The following PTPRB variants were observed in gnomAD, a reference collection of about 807,000 sequenced individuals.
PTPRB encodes protein tyrosine phosphatase receptor type B, also known as receptor-type tyrosine-protein phosphatase beta.
A neutral mutation model predicts 238.1 loss-of-function variants in PTPRB; 97 were observed. The observed-to-expected ratio is 0.41, with a 90% CI of 0.35 to 0.48. PTPRB has a LOEUF of 0.48. PTPRB is among the 20% of genes least tolerant of loss of function. The pLI, the probability that PTPRB is intolerant of heterozygous loss-of-function variation, is 0.30. For synonymous variants in PTPRB, 970 were observed against 995.4 expected, an observed-to-expected ratio of 0.97 and a Z score of 0.48; for missense variants, 2,292 against 2,681.9, an observed-to-expected ratio of 0.85 and a Z score of 3.21.
chr12:70,547,602 G>A (rs1312559998), intron 21 of PTPRB, among the ~76,000 whole-genome samples: 2 of 142,166 alleles, frequency 1.4e-5, no homozygotes, highest in Non-Finnish European at 3.0e-5. Context: ...CACCTCCCAA[G>A]CTCAAGTGAT....
intron 29 of PTPRB, 131 bp from the exon 30 acceptor site, chr12:70,535,086 A>G: frequency 2.9e-6 from 3 of 1,049,776 alleles, no homozygotes; most frequent in Non-Finnish European, 2.7e-6. Flanking sequence ...TTGACCATCT[A>G]CTTTATATTA....
chr12:70,546,726 C>T (rs1030406851), intron 21 of PTPRB, among the ~76,000 whole-genome samples: 1 of 152,130 alleles, frequency 6.6e-6, no homozygotes, highest in African/African-American at 2.4e-5. Flanking sequence ...TGAGCTGCCT[C>T]CTAGGTTGAG....
chr12:70,545,712 A>G (rs551546912), intron 21 of PTPRB, among the ~76,000 whole-genome samples: 27 of 152,186 alleles, frequency 1.8e-4, no homozygotes, highest in Non-Finnish European at 3.1e-4. Context: ...ATGAGAATGG[A>G]AAGAAGACTG....
Position 70,534,497 on chromosome 12 carries a change from A to T in PTPRB, c.6359T>A (p.Val2120Glu). Residue 2120 changes from valine to glutamate, a missense_variant, in exon 31 of 34, where the codon GTG becomes GAG. Coordinates refer to ENST00000334414, the MANE Select transcript of PTPRB (RefSeq NM_001109754.4). ...CTAGGTTTCCTAGTACCTGCAGTGC[A>T]CCACAGTGGGCCCAGCACCCGGGCT... ...NRSPGAGPTV[V>E]HCSAGVGRTG... 6.2e-7 allele frequency: 1 copy of T among 1,612,316 alleles called. No homozygotes were observed. The highest frequency in any genetic ancestry group is 8.5e-7 in the Non-Finnish European group (1 of 1,179,632).
intron 11 of PTPRB, among the ~76,000 whole-genome samples, chr12:70,573,800 A>G (rs1037042543): frequency 6.6e-6 from 1 of 152,106 alleles, no homozygotes; most frequent in Non-Finnish European, 1.5e-5. Context: ...TGAACCAAGA[A>G]TTATGATTAA....
At position 70,571,179 on chromosome 12, in the gene PTPRB, A is replaced by C; in HGVS notation, c.3217T>G (p.Phe1073Val). ...DVDQYEIQLL[F>V]NDMKVFPPFH... is the part of the protein sequence containing the mutation. ...GGAGGAAATACTTTCATGTCATTGA[A>C]GAGCAGCTGGATCTCATATTGGTCG... Residue 1073 changes from phenylalanine (F) to valine (V), a missense_variant, in exon 13 of 34, where the codon TTC (phenylalanine) becomes GTC (valine). Phe to Val is a conservative substitution (Grantham distance 50). This residue lies in a region of PTPRB where 1,205 missense variants were observed against 1,287.8 expected (regional missense o/e 0.94). Coordinates refer to ENST00000334414, the MANE Select transcript of PTPRB (RefSeq NM_001109754.4). 1 of 1,614,020 alleles carries C rather than the reference A, an allele frequency of 6.2e-7. No individual in the cohort carries two copies. Among genetic ancestry groups the C allele is most frequent in the Non-Finnish European group, 8.5e-7 (1 of 1,179,896 alleles).
chr12:70,608,849 A>G (rs1372204221), intron 4 of PTPRB: 7 of 636,890 alleles, frequency 1.1e-5, no homozygotes, highest in African/African-American at 1.8e-5. Flanking sequence ...CCCTTTCAGT[A>G]GCTAGTTGGC....
At chr12:70,529,920 CT>C in intron 32 of PTPRB, among the ~76,000 whole-genome samples, 1 of 151,986 alleles carries the variant, frequency 6.6e-6, no homozygotes, top group Non-Finnish European at 1.5e-5. Context: ...GCCTCTAGAT[CT>C]AACCACCAGC....
intron 3 of PTPRB, among the ~76,000 whole-genome samples, chr12:70,621,896 G>A (rs554466347): frequency 5.9e-5 from 9 of 152,320 alleles, no homozygotes; most frequent in African/African-American, 2.2e-4. Flanking sequence ...AATGTCACCT[G>A]GTGGAGGTGG....
chr12:70,579,567 C>A (rs1217859355), intron 10 of PTPRB, among the ~76,000 whole-genome samples: 1 of 151,694 alleles, frequency 6.6e-6, no homozygotes, highest in African/African-American at 2.4e-5. Flanking sequence ...CGTGGTGGTG[C>A]GTGCCTGTAA....
intron 3 of PTPRB, among the ~76,000 whole-genome samples, chr12:70,615,007 T>C (rs1265449062): frequency 6.6e-6 from 1 of 152,164 alleles, no homozygotes; most frequent in Non-Finnish European, 1.5e-5. Context: ...ATGGAAATAA[T>C]AGAAGCATTA....
Position 70,594,635 on chromosome 12 carries a change from A to G in PTPRB, c.1348T>C (p.Tyr450His), listed in dbSNP as rs1336790601. The G allele has an allele frequency of 5.0e-6, 8 of 1,613,928 alleles. No individual in the cohort carries two copies. Among genetic ancestry groups the G allele is most frequent in the Middle Eastern group, 1.6e-4 (1 of 6,084 alleles). Residue 450 changes from tyrosine (Y) to histidine (H), a missense_variant, in exon 6 of 34, where the codon TAC (tyrosine) becomes CAC (histidine). Tyr to His is a moderately conservative substitution (Grantham distance 83, BLOSUM62 2). Around this residue, in one of 4 missense-constraint regions of PTPRB, gnomAD observed 1,205 missense variants for 1,287.8 expected, o/e 0.94. Transcript: ENST00000334414. ...WSHGSGNVER[Y>H]RLMLMDKGIL... ...CCTTTATCCATTAGCATCAGCCGGTATCGTTCCACATTCCCAGAACCATGG... is the reference window on the plus strand; with the variant it reads ...CCTTTATCCATTAGCATCAGCCGGTGTCGTTCCACATTCCCAGAACCATGG...
chr12:70,572,839 A>C (rs1326774344), intron 11 of PTPRB, among the ~76,000 whole-genome samples: 1 of 151,844 alleles, frequency 6.6e-6, no homozygotes, highest in Non-Finnish European at 1.5e-5. Context: ...ACATATGGTT[A>C]TTTGCATAAT....
intron 9 of PTPRB, 103 bp from the exon 10 acceptor site, chr12:70,581,405 A>C (rs1881379565): frequency 1.6e-6 from 2 of 1,247,484 alleles, no homozygotes; most frequent in Non-Finnish European, 2.2e-6. Flanking sequence ...AGTACTAAAA[A>C]TAATTTTTGT....
At chr12:70,547,162 T>C (rs535246547) in intron 21 of PTPRB, among the ~76,000 whole-genome samples, 1 of 152,324 alleles carries the variant, frequency 6.6e-6, no homozygotes, top group South Asian at 2.1e-4. Context: ...GATCCGAGTG[T>C]AATCCTGTAA....
At chr12:70,534,800 A>G (rs761079051) in intron 30 of PTPRB, 33 bp downstream of exon 30, 3 of 1,611,236 alleles carry the variant, frequency 1.9e-6, no homozygotes, top group Non-Finnish European at 2.5e-6. Context: ...CATCTCCCCA[A>G]GCTCGGTTGT....
At chr12:70,524,871 ATG>A (rs1355460518) in intron 32 of PTPRB, among the ~76,000 whole-genome samples, 6 of 147,470 alleles carry the variant, frequency 4.1e-5, no homozygotes, top group South Asian at 4.3e-4. Context: ...GTGTGTATAT[ATG>A]TGTGTATATA....
At chr12:70,522,686 T>C (rs1170424088) in intron 33 of PTPRB, 1 of 148,544 alleles carries the variant, frequency 6.7e-6, no homozygotes, top group Admixed American at 6.8e-5. Flanking sequence ...GTGCTTATTC[T>C]AGAACATTTA....
intron 2 of PTPRB, among the ~76,000 whole-genome samples, chr12:70,623,847 T>C (rs1224421176): frequency 6.6e-6 from 1 of 152,214 alleles, no homozygotes; most frequent in Non-Finnish European, 1.5e-5. Flanking sequence ...TGTTCTGCCT[T>C]ACTTAGCCCT....
Sources: allele counts gnomAD v4.1 joint callset (sites outside exome capture counted in the v4.1 genomes callset), GRCh38; gene constraint gnomAD v4.1.1; regional missense constraint gnomAD v4.1.1; transcripts MANE v1.5; gene names NCBI Gene and HGNC (gene_info 2026-07-23, HGNC 2026-07-21).